The following ATP2B4 variants were observed in gnomAD, a reference collection of about 807,000 sequenced individuals.
ATP2B4 encodes the protein ATPase plasma membrane Ca2+ transporting 4.
A neutral mutation model predicts 110.3 loss-of-function variants in ATP2B4; 39 were observed. The observed-to-expected ratio is 0.35, with a 90% CI of 0.27 to 0.46. The LOEUF (loss-of-function observed/expected upper bound fraction) is 0.46. Among genes scored for constraint, ATP2B4 ranks in the 20% least tolerant of loss-of-function variants. ATP2B4 has a pLI of 1.00. For synonymous variants in ATP2B4, 538 were observed against 571.7 expected, an observed-to-expected ratio of 0.94 and a Z score of 0.84; for missense variants, 1,135 against 1,530.9, an observed-to-expected ratio of 0.74 and a Z score of 4.32.
In ATP2B4 at chr1:203,709,491, A is replaced by G. The variant is rs778053821; in HGVS notation, c.1748A>G (p.Asn583Ser). 3.1e-6 allele frequency: 5 copies of G among 1,614,134 alleles called. No homozygotes were observed. The highest frequency in any genetic ancestry group is 3.3e-5 in the Admixed American group (2 of 60,020). The change falls in exon 11 of 21, where the codon AAC (asparagine) becomes AGC (serine). Residue 583 changes from asparagine to serine, a missense_variant. By Grantham distance (46) the Asn-to-Ser change is conservative. This residue lies in a region of ATP2B4 where 368 missense variants were observed against 455.9 expected (regional missense o/e 0.81). Coordinates refer to ENST00000357681, the MANE Select transcript of ATP2B4 (RefSeq NM_001684.5). ...ATGAGCACCGTCATCAGGAATCCCAACGGTGGCTTCCGTATGTACAGCAAG... is the reference window on the plus strand; with the variant it reads ...ATGAGCACCGTCATCAGGAATCCCAGCGGTGGCTTCCGTATGTACAGCAAG... ...KSMSTVIRNP[N>S]GGFRMYSKGA...
chr1:203,672,848 A>C (rs1280975778), intron 1 of ATP2B4, among the ~76,000 whole-genome samples: 1 of 152,138 alleles, frequency 6.6e-6, no homozygotes, highest in Non-Finnish European at 1.5e-5. Flanking sequence ...TCTGAACCTC[A>C]CGAGGTGGCT....
Position 203,714,286 on chromosome 1 carries a change from A to G in ATP2B4, c.2406+9A>G. ...ATGTTGGTTTTGCCATGGTAAGCTC[A>G]GCACAGTGTCTCTCTGATTGCAAGC... On this transcript the variant is annotated intron_variant, in intron 15 of 20. Coordinates refer to ENST00000357681, the MANE Select transcript of ATP2B4 (RefSeq NM_001684.5). 6.2e-7 allele frequency: 1 copy of G among 1,613,960 alleles called. No individual in the cohort carries two copies. Among genetic ancestry groups the G allele is most frequent in the Non-Finnish European group, 8.5e-7 (1 of 1,179,916 alleles).
intron 6 of ATP2B4, among the ~76,000 whole-genome samples, chr1:203,701,139 T>A (rs1665679676): frequency 6.6e-6 from 1 of 151,790 alleles, no homozygotes; most frequent in African/African-American, 2.4e-5. Context: ...CAAATCAGGT[T>A]GAATTTGAGC....
chr1:203,700,802 C>A lies in ATP2B4; in HGVS notation c.780C>A (p.Thr260=). The A allele has an allele frequency of 6.2e-7, 1 of 1,612,462 alleles. No homozygotes were observed. The highest frequency in any genetic ancestry group is 8.5e-7 in the Non-Finnish European group (1 of 1,179,252). The change falls in exon 6 of 21, where the codon ACC becomes ACA. Residue 260 remains threonine, a synonymous_variant. Coordinates refer to ENST00000357681, the MANE Select transcript of ATP2B4 (RefSeq NM_001684.5). ...ATCTTCTCCTTTCCCGTGTAGGGAC[C>A]CATGTCATGGAAGGTTCTGGCCGGA... ...LDKDPMLLSG[T]HVMEGSGRMV...
intron 13 of ATP2B4, among the ~76,000 whole-genome samples, chr1:203,712,690 T>C (rs1222841729): frequency 6.6e-6 from 1 of 152,008 alleles, no homozygotes; most frequent in Non-Finnish European, 1.5e-5. Flanking sequence ...ACTTTTCTTG[T>C]CTTTCTGCTT....
intron 1 of ATP2B4, among the ~76,000 whole-genome samples, chr1:203,653,714 G>A (rs575928341): frequency 3.3e-5 from 5 of 152,026 alleles, no homozygotes; most frequent in East Asian, 1.9e-4. Context: ...CCGCCACCAC[G>A]CCCTGCTAAC....
intron 1 of ATP2B4, among the ~76,000 whole-genome samples, chr1:203,647,331 G>C (rs544199741): frequency 1.3e-5 from 2 of 152,258 alleles, no homozygotes; most frequent in East Asian, 3.9e-4. Flanking sequence ...AGCTACTCAG[G>C]AGACTGAGGC....
At chr1:203,634,902 A>C (rs1313338674) in intron 1 of ATP2B4, among the ~76,000 whole-genome samples, 1 of 152,140 alleles carries the variant, frequency 6.6e-6, no homozygotes, top group Non-Finnish European at 1.5e-5. Flanking sequence ...GGGCTCAAGC[A>C]ATCCACCTGC....
intron 12 of ATP2B4, among the ~76,000 whole-genome samples, chr1:203,711,640 C>G (rs1444773246): frequency 6.6e-6 from 1 of 152,114 alleles, no homozygotes; most frequent in Non-Finnish European, 1.5e-5. Flanking sequence ...AAAGCACTGG[C>G]CAAATCGCAA....
At chr1:203,725,904 C>CTTTTCTTT (rs1553251342) in intron 19 of ATP2B4, among the ~76,000 whole-genome samples, 2 of 93,382 alleles carry the variant, frequency 2.1e-5, no homozygotes, top group East Asian at 6.4e-4. Flanking sequence ...CTTTTCTTTT[C>CTTTTCTTT]TTTTTTTTTT....
At chr1:203,646,068 C>CTT (rs11446674) in intron 1 of ATP2B4, among the ~76,000 whole-genome samples, 1 of 151,628 alleles carries the variant, frequency 6.6e-6, no homozygotes, top group Admixed American at 6.6e-5. Flanking sequence ...AGAATATTTA[C>CTT]TTTTTTTCCA....
intron 20 of ATP2B4, chr1:203,728,089 G>A (rs902304664): frequency 2.5e-6 from 1 of 406,584 alleles, no homozygotes; most frequent in Non-Finnish European, 5.1e-6. Context: ...AAAGTGTAAG[G>A]CCATGGTGGG....
intron 1 of ATP2B4, among the ~76,000 whole-genome samples, chr1:203,662,557 A>T (rs1664371958): frequency 6.6e-6 from 1 of 152,280 alleles, no homozygotes; most frequent in East Asian, 1.9e-4. Flanking sequence ...ATAGAATTAT[A>T]CTGTATTTGT....
At chr1:203,710,838 G>T in intron 11 of ATP2B4, 39 bp from the exon 12 acceptor site, 1 of 1,465,340 alleles carries the variant, frequency 6.8e-7, no homozygotes, top group South Asian at 1.2e-5. Flanking sequence ...GTATTGAGTG[G>T]GAAGGGAGAC....
intron 1 of ATP2B4, among the ~76,000 whole-genome samples, chr1:203,636,257 T>C (rs1663433145): frequency 6.6e-6 from 1 of 152,228 alleles, no homozygotes; most frequent in Non-Finnish European, 1.5e-5. Flanking sequence ...AAGCAAGGCC[T>C]TCTAGGCACT....
intron 1 of ATP2B4, among the ~76,000 whole-genome samples, chr1:203,680,084 A>AAAAGAG (rs1558030624): frequency 1.3e-4 from 19 of 148,788 alleles, no homozygotes; most frequent in African/African-American, 4.7e-4. Flanking sequence ...AAAAAAAGGA[A>AAAAGAG]GGAATTCTGA....
At chr1:203,634,849 A>T (rs1051748792) in intron 1 of ATP2B4, among the ~76,000 whole-genome samples, 1 of 152,030 alleles carries the variant, frequency 6.6e-6, no homozygotes, top group Non-Finnish European at 1.5e-5. Flanking sequence ...TTTTTTGTAG[A>T]GACGGGGTTT....
chr1:203,722,383 C>A, intron 17 of ATP2B4, 95 bp from the exon 18 acceptor site: 1 of 966,066 alleles, frequency 1.0e-6, no homozygotes, highest in Non-Finnish European at 1.6e-6. Flanking sequence ...TTAGAATGGA[C>A]ACCAGCCATA....
chr1:203,733,283 A>G lies in ATP2B4; in HGVS notation c.3309+5712A>G, dbSNP rs375575673. The G allele has an allele frequency of 4.3e-6, 7 of 1,614,036 alleles. No homozygotes were observed. In the South Asian group the frequency reaches 7.7e-5, roughly 18 times the overall value. ...TTTTAAGGGAGTCCTAAGGCGACAG[A>G]ACATGGGTCAACACCTTGATGTAAA... On this transcript the variant is annotated intron_variant, in intron 20 of 20. Coordinates refer to ENST00000357681, the MANE Select transcript of ATP2B4 (RefSeq NM_001684.5).
Sources: gnomAD v4.1 joint callset for allele counts (sites outside exome capture counted in the v4.1 genomes callset) on GRCh38, gnomAD v4.1.1 for gene constraint, gnomAD v4.1.1 regional missense constraint, MANE v1.5 for transcripts, NCBI Gene and HGNC (gene_info 2026-07-23, HGNC 2026-07-21) for gene names.